The following ACSM2A variants were observed in gnomAD, a reference collection of about 807,000 sequenced individuals.
The protein encoded by ACSM2A is acyl-coenzyme A synthetase ACSM2A, mitochondrial.
A neutral mutation model predicts 76.6 loss-of-function variants in ACSM2A; 72 were observed. The ratio of observed to expected loss-of-function variants is 0.94; its 90% CI spans 0.78 to 1.14. The LOEUF (loss-of-function observed/expected upper bound fraction) is 1.14, where lower values mean the gene tolerates loss of function less well. Among genes scored for constraint, ACSM2A ranks in the 50% most tolerant of loss-of-function variants. The pLI is 0.00. For synonymous variants in ACSM2A, 249 were observed against 255.9 expected (o/e 0.97, Z 0.26); for missense variants, 684 against 708.5 (o/e 0.97, Z 0.39).
intron 6 of ACSM2A, among the ~76,000 whole-genome samples, chr16:20,473,733 G>C (rs2013556203): frequency 6.6e-6 from 1 of 152,004 alleles, no homozygotes; most frequent in East Asian, 1.9e-4. Context: ...AATTTAACCT[G>C]AGAGACTGTT....
chr16:20,460,093 T>G lies in ACSM2A; in HGVS notation c.-8-14T>G, dbSNP rs1316501600. The G allele has an allele frequency of 6.3e-7, 1 of 1,596,428 alleles. No individual in the cohort carries two copies. The highest frequency in any genetic ancestry group is 8.5e-7 in the Non-Finnish European group (1 of 1,170,054). ...TAAAGAAGCTCTCACCTGTGTCTCT[T>G]CTTTCTTTTACAGGCCTGAATATGC... On this transcript the variant is annotated splice_polypyrimidine_tract_variant and intron_variant, in intron 1 of 13. Transcript: ENST00000573854.
Position 20,458,167 on chromosome 16 carries a change from A to C in ACSM2A, c.-8-1940A>C, listed in dbSNP as rs561183110. Among the ~76,000 whole-genome samples, 22 of 151,736 alleles carry C rather than the reference A, an allele frequency of 1.4e-4. No individual in the cohort carries two copies. In the South Asian group the frequency reaches 2.9e-3, roughly 20 times the overall value. On this transcript the variant is annotated intron_variant, in intron 1 of 13. Coordinates refer to ENST00000573854, the MANE Select transcript of ACSM2A (RefSeq NM_001308172.2). ...AAGAAATCATAGATGACACAAACAAATGGAAACACATCCTATGCTCATGGA... is the reference window on the plus strand; with the variant it reads ...AAGAAATCATAGATGACACAAACAACTGGAAACACATCCTATGCTCATGGA...
At chr16:20,483,295 C>A in intron 13 of ACSM2A, 118 bp downstream of exon 13, 3 of 1,470,732 alleles carry the variant, frequency 2.0e-6, no homozygotes, top group South Asian at 2.5e-5. Context: ...CCTGGCTGGG[C>A]GCGGCAGCTC....
intron 4 of ACSM2A, 151 bp downstream of exon 4, chr16:20,469,870 GTATTTTTTT>G (rs746828157): frequency 2.4e-5 from 15 of 617,948 alleles, no homozygotes; most frequent in Admixed American, 3.7e-5. Context: ...TAACACAAGG[GTATTTTTTT>G]TTTTTTTTTT....
intron 12 of ACSM2A, chr16:20,482,753 T>G (rs2014153782): frequency 8.9e-6 from 2 of 224,286 alleles, no homozygotes; most frequent in African/African-American, 2.2e-5. Context: ...GGGTTATGGT[T>G]TTCAGTCTAT....
intron 6 of ACSM2A, among the ~76,000 whole-genome samples, chr16:20,472,735 T>G (rs2013496134): frequency 1.3e-5 from 2 of 151,990 alleles, no homozygotes; most frequent in Admixed American, 6.5e-5. Flanking sequence ...AGCCAAATTA[T>G]ATGTAATCTT....
chr16:20,455,662 A>G (rs1209559233), intron 1 of ACSM2A, among the ~76,000 whole-genome samples: 1 of 149,768 alleles, frequency 6.7e-6, no homozygotes, highest in Non-Finnish European at 1.5e-5. Context: ...ATCTTGAAAC[A>G]AATCCTGGAA....
At position 20,475,666 on chromosome 16, in the gene ACSM2A, C is replaced by T; in HGVS notation, c.991C>T (p.Leu331=). The T allele has an allele frequency of 6.2e-7, 1 of 1,614,064 alleles. No homozygotes were observed. The highest frequency in any genetic ancestry group is 8.5e-7 in the Non-Finnish European group (1 of 1,179,944). Residue 331 remains leucine (L), a synonymous_variant, in exon 8 of 14, where the codon CTA becomes TTA. Transcript: ENST00000573854. ...QDLSSYKFPH[L]QNCVTVGESL... Reference sequence around the variant, plus strand: ...CTTCTTCAGTTACAAGTTCCCCCATCTACAGAACTGCGTCACTGTAGGGGA... The same window carrying T: ...CTTCTTCAGTTACAAGTTCCCCCATTTACAGAACTGCGTCACTGTAGGGGA...
chr16:20,475,202 A>G (rs1321171841), intron 6 of ACSM2A, among the ~76,000 whole-genome samples, 160 bp from the exon 7 acceptor site: 1 of 152,168 alleles, frequency 6.6e-6, no homozygotes, highest in Non-Finnish European at 1.5e-5. Context: ...GGTGCATGAG[A>G]GTTGTGGGGC....
chr16:20,458,734 G>A (rs920202252), intron 1 of ACSM2A, among the ~76,000 whole-genome samples: 17 of 141,936 alleles, frequency 1.2e-4, no homozygotes, highest in African/African-American at 4.1e-4. Context: ...TATGGTATGG[G>A]AGGGAGACAG....
chr16:20,478,148 G>A (rs1159812735), intron 9 of ACSM2A, among the ~76,000 whole-genome samples: 1 of 152,178 alleles, frequency 6.6e-6, no homozygotes, highest in African/African-American at 2.4e-5. Context: ...TAAAAATCCT[G>A]TGAAATAAGC....
intron 8 of ACSM2A, chr16:20,476,208 G>T (rs1443821659): frequency 1.0e-6 from 1 of 1,001,536 alleles, no homozygotes; most frequent in Non-Finnish European, 1.2e-6. Flanking sequence ...GGAATGGGAA[G>T]AAGAACCCAC....
intron 1 of ACSM2A, chr16:20,453,268 A>T (rs2011900051): frequency 1.3e-5 from 2 of 151,924 alleles, no homozygotes; most frequent in South Asian, 4.2e-4. Context: ...GAATGGAGGG[A>T]TCGGCCAGAG....
chr16:20,484,851 T>A (rs1042890412), intron 13 of ACSM2A, among the ~76,000 whole-genome samples: 1 of 152,138 alleles, frequency 6.6e-6, no homozygotes, highest in Non-Finnish European at 1.5e-5. Context: ...GCTGAGGCAA[T>A]CCTCATATTG....
At chr16:20,451,962 G>A (rs1850515298) in intron 1 of ACSM2A, 1 of 151,268 alleles carries the variant, frequency 6.6e-6, no homozygotes. Flanking sequence ...AATCTCAGAG[G>A]AGGTGAGACC....
At chr16:20,468,588 G>C (rs1567364283) in intron 3 of ACSM2A, among the ~76,000 whole-genome samples, 1 of 152,144 alleles carries the variant, frequency 6.6e-6, no homozygotes, top group Non-Finnish European at 1.5e-5. Context: ...TTGAACTCTT[G>C]ACCTCTAATA....
intron 1 of ACSM2A, among the ~76,000 whole-genome samples, chr16:20,458,327 C>G (rs1333743653): frequency 1.4e-5 from 2 of 146,530 alleles, no homozygotes; most frequent in Non-Finnish European, 3.0e-5. Flanking sequence ...ATCTATATAT[C>G]TATATATACT....
intron 1 of ACSM2A, among the ~76,000 whole-genome samples, chr16:20,457,005 A>G (rs1290600782): frequency 2.6e-5 from 4 of 152,074 alleles, no homozygotes; most frequent in Non-Finnish European, 5.9e-5. Context: ...ACAAAAGATC[A>G]TTCAAGGCAC....
intron 1 of ACSM2A, among the ~76,000 whole-genome samples, chr16:20,458,918 A>ATG (rs1555497752): frequency 6.3e-5 from 4 of 63,726 alleles, no homozygotes; most frequent in Admixed American, 1.4e-4. Context: ...ATATATATAT[A>ATG]TATATATATA....
Sources: gnomAD v4.1 joint callset for allele counts (sites outside exome capture counted in the v4.1 genomes callset) on GRCh38, gnomAD v4.1.1 for gene constraint, MANE v1.5 for transcripts, NCBI Gene and HGNC (gene_info 2026-07-23, HGNC 2026-07-21) for gene names.